RAB28: variants seen among roughly 807,000 people sequenced by gnomAD.
RAB28 encodes ras-related protein Rab-28.
RAB28 carries 24 observed loss-of-function variants against 31.7 expected under a neutral mutation model. The ratio of observed to expected loss-of-function variants is 0.76; its 90% CI spans 0.55 to 1.06. The LOEUF (loss-of-function observed/expected upper bound fraction) is 1.06, where lower values mean the gene tolerates loss of function less well. RAB28 is among the 50% of genes least tolerant of loss of function. RAB28 has a pLI of 0.00. For synonymous variants in RAB28, 100 were observed against 90.4 expected, an observed-to-expected ratio of 1.11 and a Z score of -0.60; for missense variants, 254 against 258.5, an observed-to-expected ratio of 0.98 and a Z score of 0.12.
At chr4:13,388,098 A>G (rs1729456687) in intron 4 of RAB28, among the ~76,000 whole-genome samples, 1 of 152,088 alleles carries the variant, frequency 6.6e-6, no homozygotes, top group Non-Finnish European at 1.5e-5. Context: ...GCTTTCAGAC[A>G]GCAAGATTTA....
At chr4:13,398,204 T>C (rs1560276563) in intron 4 of RAB28, among the ~76,000 whole-genome samples, 1 of 152,134 alleles carries the variant, frequency 6.6e-6, no homozygotes, top group Non-Finnish European at 1.5e-5. Context: ...TGTAAAAAAT[T>C]TGTGCATATA....
chr4:13,416,287 C>A (rs1023286047), intron 4 of RAB28, among the ~76,000 whole-genome samples: 2 of 152,180 alleles, frequency 1.3e-5, no homozygotes, highest in African/African-American at 4.8e-5. Flanking sequence ...CTGTAACACT[C>A]ACTGCGAAGG....
At chr4:13,412,983 G>GC (rs1045401968) in intron 4 of RAB28, among the ~76,000 whole-genome samples, 1 of 151,692 alleles carries the variant, frequency 6.6e-6, no homozygotes. Flanking sequence ...ATTGAGAAAT[G>GC]CAACTACAAG....
chr4:13,373,392 C>A (rs989940742), intron 6 of RAB28, among the ~76,000 whole-genome samples: 5 of 152,082 alleles, frequency 3.3e-5, no homozygotes, highest in South Asian at 2.1e-4. Flanking sequence ...ATAAATGATG[C>A]AAATGAAACT....
Position 13,484,088 on chromosome 4 carries a change from G to A in RAB28, c.63C>T (p.Gly21=). The A allele has an allele frequency of 6.3e-7, 1 of 1,599,588 alleles. No individual in the cohort carries two copies. Among genetic ancestry groups the A allele is most frequent in the Non-Finnish European group, 8.5e-7 (1 of 1,173,736 alleles). The change falls in exon 1 of 7, where the codon GGC becomes GGT. Residue 21 remains glycine (G), a synonymous_variant. Coordinates refer to ENST00000330852, the MANE Select transcript of RAB28 (RefSeq NM_001017979.3). ...CTCGAGGACTGACCTTCCCGGAGGC[G>A]CCGTCCCCCAGCACGACGATTTTCA... The part of the protein sequence containing the change: ...RQLKIVVLGD[G]ASGKTSLTTC...
intron 3 of RAB28, among the ~76,000 whole-genome samples, chr4:13,466,563 T>C (rs890734689): frequency 5.9e-5 from 9 of 151,870 alleles, no homozygotes; most frequent in South Asian, 4.1e-4. Flanking sequence ...AGTGAGAATA[T>C]AGAGAAAAGG....
Position 13,472,207 on chromosome 4 carries a change from G to A in RAB28, c.261+2111C>T, listed in dbSNP as rs566832213. 9.2e-5 allele frequency among the ~76,000 whole-genome samples: 14 copies of A among 151,942 alleles called. No homozygotes were observed. In the South Asian group the frequency reaches 2.9e-3, roughly 32 times the overall value. ...TTGCCATCTGGACTGAAGTGCAGTA[G>A]TGTGATCATAGCTCACTGCAACCTC... On this transcript the variant is annotated intron_variant, in intron 3 of 6. Coordinates refer to ENST00000330852, the MANE Select transcript of RAB28 (RefSeq NM_001017979.3).
At chr4:13,406,844 GGTT>G (rs1712122088) in intron 4 of RAB28, among the ~76,000 whole-genome samples, 5 of 152,062 alleles carry the variant, frequency 3.3e-5, no homozygotes, top group Admixed American at 2.6e-4. Flanking sequence ...TTTTTGATGG[GGTT>G]GTTTTTTTCT....
At chr4:13,402,819 G>A in intron 4 of RAB28, among the ~76,000 whole-genome samples, 1 of 151,866 alleles carries the variant, frequency 6.6e-6, no homozygotes, top group East Asian at 1.9e-4. Flanking sequence ...TTTTGAAACA[G>A]GGTCTCACGC....
intron 4 of RAB28, among the ~76,000 whole-genome samples, chr4:13,460,408 G>T (rs77978668): frequency 0.056 from 8,511 of 152,122 alleles, 546 homozygotes; most frequent in African/African-American, 0.16. Flanking sequence ...AGAGACAAGG[G>T]TCTCACTATG....
At chr4:13,368,731 GAA>G in intron 6 of RAB28, 81 bp from the exon 7 acceptor site, 1 of 1,120,902 alleles carries the variant, frequency 8.9e-7, no homozygotes, top group South Asian at 1.7e-5. Context: ...TTTATTTTCT[GAA>G]CTTTGCTGAA....
intron 3 of RAB28, among the ~76,000 whole-genome samples, chr4:13,467,278 C>G (rs928254675): frequency 6.6e-6 from 1 of 151,378 alleles, no homozygotes; most frequent in African/African-American, 2.4e-5. Flanking sequence ...TCACTCTGTA[C>G]TCCATAAATA....
At chr4:13,477,605 C>T (rs1011986570) in intron 2 of RAB28, among the ~76,000 whole-genome samples, 3 of 150,408 alleles carry the variant, frequency 2.0e-5, no homozygotes, top group Non-Finnish European at 4.5e-5. Context: ...GAAATTTCTA[C>T]CATAAGTTTG....
chr4:13,469,072 C>A (rs1007503447), intron 3 of RAB28, among the ~76,000 whole-genome samples: 3 of 152,036 alleles, frequency 2.0e-5, no homozygotes, highest in African/African-American at 7.2e-5. Context: ...TCTTCAGGAG[C>A]CATAATACAA....
At chr4:13,440,336 T>A (rs958629935) in intron 4 of RAB28, among the ~76,000 whole-genome samples, 4 of 152,026 alleles carry the variant, frequency 2.6e-5, no homozygotes, top group Non-Finnish European at 5.9e-5. Context: ...ATTAGAAGTA[T>A]GAGGATAGAA....
At chr4:13,452,401 T>C (rs889150153) in intron 4 of RAB28, among the ~76,000 whole-genome samples, 2 of 152,030 alleles carry the variant, frequency 1.3e-5, no homozygotes, top group African/African-American at 4.8e-5. Flanking sequence ...GATGCAGGCA[T>C]TTATTGATAC....
intron 4 of RAB28, among the ~76,000 whole-genome samples, chr4:13,394,398 G>A (rs1390845304): frequency 1.3e-5 from 2 of 152,108 alleles, no homozygotes; most frequent in African/African-American, 2.4e-5. Context: ...TAGGGTTCAC[G>A]CTCCTATGAG....
At chr4:13,459,306 G>A (rs1560140724) in intron 4 of RAB28, among the ~76,000 whole-genome samples, 1 of 151,986 alleles carries the variant, frequency 6.6e-6, no homozygotes, top group Non-Finnish European at 1.5e-5. Context: ...GCCTATCGTG[G>A]GACTTTACCT....
chr4:13,458,295 T>C (rs1005794362), intron 4 of RAB28, among the ~76,000 whole-genome samples: 1 of 151,816 alleles, frequency 6.6e-6, no homozygotes, highest in African/African-American at 2.4e-5. Context: ...ACCTGTGTCA[T>C]CATGGTTTTA....
Sources: allele counts gnomAD v4.1 joint callset (sites outside exome capture counted in the v4.1 genomes callset), GRCh38; gene constraint gnomAD v4.1.1; transcripts MANE v1.5; gene names NCBI Gene and HGNC (gene_info 2026-07-23, HGNC 2026-07-21).